Variants in CHN2 observed in about 807,000 individuals in gnomAD.
The protein encoded by CHN2 is chimerin 2.
CHN2 carries 35 observed loss-of-function variants against 56.3 expected under a neutral mutation model. The observed-to-expected ratio is 0.62, with a 90% CI of 0.47 to 0.82. The LOEUF (loss-of-function observed/expected upper bound fraction) is 0.82. Among genes scored for constraint, CHN2 ranks in the 40% least tolerant of loss-of-function variants. The pLI is 0.00. For synonymous variants in CHN2, 210 were observed against 212.8 expected (o/e 0.99, Z 0.12); for missense variants, 491 against 580.5 (o/e 0.85, Z 1.58).
At chr7:29,354,821 A>T (rs2128925831) in intron 2 of CHN2, among the ~76,000 whole-genome samples, 158 bp downstream of exon 2, 1 of 152,218 alleles carries the variant, frequency 6.6e-6, no homozygotes, top group Non-Finnish European at 1.5e-5. Context: ...GTCAGAGACG[A>T]TTAACAGAGC....
At chr7:29,360,197 C>T (rs1450372780) in intron 2 of CHN2, among the ~76,000 whole-genome samples, 1 of 152,150 alleles carries the variant, frequency 6.6e-6, no homozygotes, top group Non-Finnish European at 1.5e-5. Flanking sequence ...TTCACAGTGC[C>T]ATTAGACAAG....
intron 6 of CHN2, among the ~76,000 whole-genome samples, chr7:29,403,959 T>G (rs1165668052): frequency 6.6e-6 from 1 of 152,188 alleles, no homozygotes; most frequent in Non-Finnish European, 1.5e-5. Flanking sequence ...GTGAACTAAT[T>G]TCCCATTTTA....
chr7:29,233,306 C>G (rs1786866631), intron 1 of CHN2, among the ~76,000 whole-genome samples: 1 of 152,234 alleles, frequency 6.6e-6, no homozygotes, highest in African/African-American at 2.4e-5. Context: ...ACAGCAAATG[C>G]TCCACAGCGG....
intron 2 of CHN2, among the ~76,000 whole-genome samples, chr7:29,172,193 G>A (rs1796693162): frequency 6.6e-6 from 1 of 152,038 alleles, no homozygotes; most frequent in Non-Finnish European, 1.5e-5. Context: ...CTTTAATGGG[G>A]CATCTTACTG....
At chr7:29,244,178 G>A (rs1415879334) in intron 1 of CHN2, among the ~76,000 whole-genome samples, 1 of 151,964 alleles carries the variant, frequency 6.6e-6, no homozygotes, top group Non-Finnish European at 1.5e-5. Context: ...TGATGCTCTC[G>A]GGCTGTCATT....
At chr7:29,328,651 T>C (rs1033620596) in intron 1 of CHN2, among the ~76,000 whole-genome samples, 3 of 150,668 alleles carry the variant, frequency 2.0e-5, no homozygotes, top group African/African-American at 7.3e-5. Context: ...ACATTTTAAA[T>C]TACACACTAT....
At chr7:29,267,101 C>G (rs1213179147) in intron 1 of CHN2, among the ~76,000 whole-genome samples, 2 of 152,102 alleles carry the variant, frequency 1.3e-5, no homozygotes, top group East Asian at 3.9e-4. Context: ...GAACTTTTTA[C>G]TCCGTGGGCA....
At chr7:29,216,072 C>G (rs182542557) in intron 1 of CHN2, among the ~76,000 whole-genome samples, 1 of 152,190 alleles carries the variant, frequency 6.6e-6, no homozygotes. Context: ...TTGGGAGAGG[C>G]TGGAACTTCT....
chr7:29,337,798 C>G (rs773043794), intron 1 of CHN2, among the ~76,000 whole-genome samples: 2 of 152,190 alleles, frequency 1.3e-5, no homozygotes, highest in Non-Finnish European at 2.9e-5. Flanking sequence ...ATCACAGACA[C>G]GCTTCCTGTG....
chr7:29,246,193 C>T (rs1468608497), intron 1 of CHN2, among the ~76,000 whole-genome samples: 2 of 152,128 alleles, frequency 1.3e-5, no homozygotes, highest in Admixed American at 6.5e-5. Context: ...CCCATGATGA[C>T]ATCAACCTGT....
At chr7:29,249,245 G>A (rs1308787908) in intron 1 of CHN2, among the ~76,000 whole-genome samples, 1 of 152,190 alleles carries the variant, frequency 6.6e-6, no homozygotes. Context: ...ATAACTCTCA[G>A]TTTGAGGCCA....
chr7:29,257,427 G>A (rs562980887), intron 1 of CHN2, among the ~76,000 whole-genome samples: 2 of 152,232 alleles, frequency 1.3e-5, no homozygotes, highest in South Asian at 4.2e-4. Context: ...CAGCAACTCT[G>A]CTGTCCCTGT....
chr7:29,174,404 A>G (rs568159661), intron 2 of CHN2, among the ~76,000 whole-genome samples: 4 of 152,248 alleles, frequency 2.6e-5, no homozygotes, highest in Admixed American at 2.6e-4. Context: ...TGGAGGCTAC[A>G]CCAGTACATA....
intron 6 of CHN2, among the ~76,000 whole-genome samples, chr7:29,458,152 T>G (rs770440944): frequency 4.6e-5 from 7 of 152,202 alleles, no homozygotes; most frequent in Non-Finnish European, 7.3e-5. Context: ...TTTAAAACTT[T>G]CCCAATGGAA....
In CHN2 at chr7:29,200,305, C is replaced by G. The variant is rs1784047411; in HGVS notation, c.49+5315C>G. Among the ~76,000 whole-genome samples, 4 of 151,062 alleles carry G rather than the reference C, an allele frequency of 2.6e-5. No homozygotes were observed. The South Asian group carries it at 8.4e-4, about 32-fold the overall frequency. On this transcript the variant is annotated intron_variant, in intron 1 of 12. Coordinates refer to ENST00000222792, the MANE Select transcript of CHN2 (RefSeq NM_004067.4). ...AATGGCTTTTTCCCCCTCCTTCCCT[C>G]TCTTCTTTCCTTCCTTTCTCCATTC...
intron 7 of CHN2, among the ~76,000 whole-genome samples, chr7:29,490,133 A>T: frequency 6.7e-6 from 1 of 148,696 alleles, no homozygotes. Flanking sequence ...TTTTTGAAAC[A>T]CCATTTGCCA....
At chr7:29,382,687 G>T (rs1004252636) in intron 3 of CHN2, among the ~76,000 whole-genome samples, 10 of 152,212 alleles carry the variant, frequency 6.6e-5, no homozygotes, top group African/African-American at 2.4e-4. Context: ...ATCCCAGTAA[G>T]ATCGCCACGG....
chr7:29,417,535 C>T (rs1803898105), intron 6 of CHN2, among the ~76,000 whole-genome samples: 1 of 151,964 alleles, frequency 6.6e-6, no homozygotes, highest in Non-Finnish European at 1.5e-5. Flanking sequence ...CGGGATTTCA[C>T]CGTGTTAGCC....
intron 1 of CHN2, among the ~76,000 whole-genome samples, chr7:29,317,467 A>G (rs1795039207): frequency 6.6e-6 from 1 of 150,666 alleles, no homozygotes; most frequent in Non-Finnish European, 1.5e-5. Context: ...TATCCTGGGG[A>G]CTTAATAGAG....
Sources: allele counts gnomAD v4.1 joint callset (sites outside exome capture counted in the v4.1 genomes callset), GRCh38; gene constraint gnomAD v4.1.1; transcripts MANE v1.5; gene names NCBI Gene and HGNC (gene_info 2026-07-23, HGNC 2026-07-21).